The following IPCEF1 variants were observed in gnomAD, a reference collection of about 807,000 sequenced individuals.
The protein encoded by IPCEF1 is interactor protein for cytohesin exchange factors 1.
IPCEF1 carries 31 observed loss-of-function variants against 50.9 expected under a neutral mutation model. The observed-to-expected ratio is 0.61, with a 90% CI of 0.46 to 0.82. IPCEF1 has a LOEUF of 0.82. IPCEF1 is among the 40% of genes least tolerant of loss of function. The pLI is 0.00. For missense variants in IPCEF1, 458 were observed against 514.0 expected, an observed-to-expected ratio of 0.89 and a Z score of 1.05; for synonymous variants, 181 against 192.0, an observed-to-expected ratio of 0.94 and a Z score of 0.47.
chr6:154,248,616 G>A (rs147452804), intron 3 of IPCEF1, among the ~76,000 whole-genome samples: 4 of 152,220 alleles, frequency 2.6e-5, no homozygotes, highest in East Asian at 1.9e-4. Flanking sequence ...TATGTTTGAA[G>A]AAGGGATATG....
intron 5 of IPCEF1, among the ~76,000 whole-genome samples, chr6:154,225,312 C>T (rs750380685): frequency 5.3e-5 from 8 of 152,118 alleles, no homozygotes; most frequent in Non-Finnish European, 1.2e-4. Flanking sequence ...TCACAAAGCA[C>T]TCACAACAGC....
intron 1 of IPCEF1, among the ~76,000 whole-genome samples, chr6:154,313,351 A>G (rs1973910): frequency 0.78 from 117,274 of 150,858 alleles, 46,006 homozygotes; most frequent in East Asian, 0.89. Context: ...CTCCATCTTG[A>G]GCAAGAGAGC....
At chr6:154,242,044 C>T (rs1391996710) in intron 5 of IPCEF1, among the ~76,000 whole-genome samples, 4 of 152,186 alleles carry the variant, frequency 2.6e-5, no homozygotes, top group African/African-American at 7.2e-5. Context: ...TCAGTAAACT[C>T]CCTTGAAAAA....
At position 154,231,369 on chromosome 6, in the gene IPCEF1, C is replaced by T. The variant is rs577095785; in HGVS notation, c.247-8126G>A. Reference sequence around the variant, plus strand: ...ATAATAATCAGCAAAAATGCACTTGCCCATTGACCCAGAAATTCCACTTCT... The same window carrying T: ...ATAATAATCAGCAAAAATGCACTTGTCCATTGACCCAGAAATTCCACTTCT... On this transcript the variant is annotated intron_variant, in intron 5 of 11. Coordinates refer to ENST00000367220, the MANE Select transcript of IPCEF1 (RefSeq NM_001130700.2). 1.5e-4 allele frequency among the ~76,000 whole-genome samples: 23 copies of T among 152,296 alleles called. 1 individual carries two copies. In the South Asian group the frequency reaches 3.5e-3, roughly 23 times the overall value.
intron 9 of IPCEF1, among the ~76,000 whole-genome samples, chr6:154,212,057 T>C (rs1778002959): frequency 6.6e-6 from 1 of 152,184 alleles, no homozygotes; most frequent in Non-Finnish European, 1.5e-5. Context: ...GAATTAAAAG[T>C]TTATGCATTT....
rs189736155 is a variant in IPCEF1 at position 154,320,879 on chromosome 6, T to G, written c.-61-31123A>C. ...ATATAATTTTATCTATAGACATATA[T>G]AGAGAGACACTCACACATATACATG... is the stretch of plus-strand genomic sequence containing the variant. On this transcript the variant is annotated intron_variant, in intron 1 of 11. Coordinates refer to ENST00000367220, the MANE Select transcript of IPCEF1 (RefSeq NM_001130700.2). Among the ~76,000 whole-genome samples, 123 of 152,218 alleles carry G rather than the reference T, an allele frequency of 8.1e-4. No homozygotes were observed. In the Middle Eastern group the frequency reaches 0.014, roughly 17 times the overall value.
At chr6:154,180,414 A>ATATATATATATATT (rs1241250621) in intron 10 of IPCEF1, among the ~76,000 whole-genome samples, 2 of 65,268 alleles carry the variant, frequency 3.1e-5, no homozygotes, top group African/African-American at 4.8e-5. Flanking sequence ...ATATATATAT[A>ATATATATATATATT]TTTTTTTTTT....
chr6:154,180,414 A>ATATATATATATATATATTTTTTTT (rs1241250621), intron 10 of IPCEF1, among the ~76,000 whole-genome samples: 1 of 65,266 alleles, frequency 1.5e-5, no homozygotes, highest in African/African-American at 4.8e-5. Flanking sequence ...ATATATATAT[A>ATATATATATATATATATTTTTTTT]TTTTTTTTTT....
intron 7 of IPCEF1, among the ~76,000 whole-genome samples, chr6:154,220,591 G>A (rs1216239223): frequency 6.6e-6 from 1 of 152,036 alleles, no homozygotes; most frequent in Non-Finnish European, 1.5e-5. Context: ...GCAGTGAGCC[G>A]AGATCGCACC....
At chr6:154,243,113 G>A (rs1219743514) in intron 5 of IPCEF1, among the ~76,000 whole-genome samples, 1 of 152,172 alleles carries the variant, frequency 6.6e-6, no homozygotes, top group African/African-American at 2.4e-5. Flanking sequence ...GAGAGAGCCA[G>A]CCCACGTGCT....
chr6:154,246,935 CAAAA>C (rs10543127), intron 4 of IPCEF1, 175 bp from the exon 5 acceptor site: 2,336 of 250,414 alleles, frequency 9.3e-3, no homozygotes, highest in Middle Eastern at 0.014. Context: ...AAAACCAATG[CAAAA>C]AAAAAAAAAA....
chr6:154,192,870 A>T (rs1802037378), intron 10 of IPCEF1, among the ~76,000 whole-genome samples: 1 of 152,130 alleles, frequency 6.6e-6, no homozygotes, highest in South Asian at 2.1e-4. Context: ...AAAATAATAG[A>T]TGTTGGTGTG....
intron 5 of IPCEF1, among the ~76,000 whole-genome samples, chr6:154,243,758 G>T (rs1780793438): frequency 6.6e-6 from 1 of 152,114 alleles, no homozygotes; most frequent in African/African-American, 2.4e-5. Context: ...GGAGTCCAAG[G>T]GACCTGAATG....
At chr6:154,200,204 C>T (rs932131584) in intron 9 of IPCEF1, among the ~76,000 whole-genome samples, 164 bp from the exon 10 acceptor site, 2 of 152,162 alleles carry the variant, frequency 1.3e-5, no homozygotes, top group African/African-American at 2.4e-5. Flanking sequence ...CTGTTTGACA[C>T]ACATTAGGAT....
intron 1 of IPCEF1, among the ~76,000 whole-genome samples, chr6:154,311,483 G>C (rs1293743711): frequency 6.6e-6 from 1 of 152,118 alleles, no homozygotes; most frequent in Non-Finnish European, 1.5e-5. Flanking sequence ...TAGACCTCTT[G>C]AGCTCCAGAG....
rs934359847 is a variant in IPCEF1 at position 154,154,818 on chromosome 6, T to G, written c.*5010A>C. On this transcript the variant is annotated 3_prime_UTR_variant, in exon 12 of 12. Transcript: ENST00000367220. ...CTCTTTTTCAGTTTAGAGGGGTAGC[T>G]GACACAGGATGAGAGCACAGTAAAA... is the stretch of plus-strand genomic sequence containing the variant. The G allele has an allele frequency of 2.0e-5, 3 of 152,734 alleles. No individual in the cohort carries two copies. Among genetic ancestry groups the G allele is most frequent in the African/African-American group, 7.2e-5 (3 of 41,540 alleles). The allele number at this position is 152,734 out of a possible 1,614,324, so 9.5% of individuals were successfully genotyped here.
chr6:154,215,105 A>T (rs1778281024), intron 7 of IPCEF1, among the ~76,000 whole-genome samples: 1 of 152,178 alleles, frequency 6.6e-6, no homozygotes, highest in African/African-American at 2.4e-5. Context: ...AATCCGTGCT[A>T]CACGTTTATC....
rs139767567 is a variant in IPCEF1, at chr6:154,351,910, C to T, written c.-62+4762G>A. Among the ~76,000 whole-genome samples, 336 of 152,326 alleles carry T rather than the reference C, an allele frequency of 2.2e-3. 1 individual carries two copies. Among genetic ancestry groups the T allele is most frequent in the African/African-American group, 7.8e-3 (324 of 41,568 alleles). Reference sequence around the variant, plus strand: ...AGAAACCAAATACCGCATGTTCTCACTTACAAGTGGGAGCTGAACAATGAG... The same window carrying T: ...AGAAACCAAATACCGCATGTTCTCATTTACAAGTGGGAGCTGAACAATGAG... On this transcript the variant is annotated intron_variant, in intron 1 of 11. Transcript: ENST00000367220.
chr6:154,253,193 T>G (rs551528200), intron 3 of IPCEF1, among the ~76,000 whole-genome samples: 4 of 152,226 alleles, frequency 2.6e-5, no homozygotes, highest in East Asian at 1.9e-4. Flanking sequence ...CCTTGCTTTT[T>G]TTGTTGTTGT....
Sources: allele counts gnomAD v4.1 joint callset (sites outside exome capture counted in the v4.1 genomes callset), GRCh38; gene constraint gnomAD v4.1.1; transcripts MANE v1.5; gene names NCBI Gene and HGNC (gene_info 2026-07-23, HGNC 2026-07-21).